Variants in ZNF827 observed in about 807,000 individuals in gnomAD.
ZNF827 encodes zinc finger protein 827.
In ZNF827, 13 loss-of-function variants were observed where a neutral mutation model predicts 102.4. The observed-to-expected ratio is 0.13, with a 90% confidence interval of 0.08 to 0.20. ZNF827 has a LOEUF of 0.20. ZNF827 is among the 10% of genes least tolerant of loss of function. ZNF827 has a pLI of 1.00. For synonymous variants in ZNF827, 523 were observed against 536.2 expected (o/e 0.98, Z 0.34); for missense variants, 1,103 against 1,344.4 (o/e 0.82, Z 2.81).
rs1186198173 is a variant in ZNF827, at chr4:145,814,780, A to G, written c.2383+8642T>C. The stretch of plus-strand genomic sequence containing the variant: ...CTCTACTAAAAATACAAAAAAAAAA[A>G]AAAAAAAAAAATTTGCCGGGCGTTG... On this transcript the variant is annotated intron_variant, in intron 8 of 14. Transcript: ENST00000508784. Among the ~76,000 whole-genome samples, 5 of 151,576 alleles carry G rather than the reference A, an allele frequency of 3.3e-5. No homozygotes were observed. In the East Asian group the frequency reaches 9.6e-4, roughly 29 times the overall value.
chr4:145,761,746 G>GGGGTGGAA lies in ZNF827; in HGVS notation c.*18-156_*18-149dup. 1 of 428,242 alleles carries GGGGTGGAA rather than the reference G, an allele frequency of 2.3e-6. No homozygotes were observed. Among genetic ancestry groups the GGGGTGGAA allele is most frequent in the Admixed American group, 3.8e-5 (1 of 26,464 alleles). The allele number at this position is 428,242 out of a possible 1,614,324, so 26.5% of individuals were successfully genotyped here. A position where few individuals can be genotyped will look rare whatever the true frequency, so the allele number is the denominator to read the frequency against. ...CCCAGCCCAGCCCTGCCGCCTCTCA[G>GGGGTGGAA]GGGTGGAACGGCCCTTTTTGGCTCT... On this transcript the variant is annotated intron_variant, in intron 14 of 14. Coordinates refer to ENST00000508784, the MANE Select transcript of ZNF827 (RefSeq NM_001306215.2). This position sits in a 1 kb window ranked among gnomAD's most constrained non-coding sequence, Gnocchi z 6.8.
intron 3 of ZNF827, among the ~76,000 whole-genome samples, chr4:145,891,831 AG>A (rs1750629865): frequency 2.0e-5 from 3 of 152,192 alleles, no homozygotes. Flanking sequence ...CAGTCTCTCC[AG>A]GAAGGGGAGC....
chr4:145,815,295 T>C (rs1188857170), intron 8 of ZNF827, among the ~76,000 whole-genome samples: 1 of 152,244 alleles, frequency 6.6e-6, no homozygotes, highest in African/African-American at 2.4e-5. Flanking sequence ...GGCCACACTT[T>C]TGCATTTCTA....
At chr4:145,856,102 C>A (rs775509925) in intron 5 of ZNF827, among the ~76,000 whole-genome samples, 1 of 151,906 alleles carries the variant, frequency 6.6e-6, no homozygotes, top group Admixed American at 6.6e-5. Flanking sequence ...TCAAGCAATT[C>A]TCCTGCCTCA....
At chr4:145,791,029 T>C (rs1175510899) in intron 8 of ZNF827, among the ~76,000 whole-genome samples, 3 of 152,244 alleles carry the variant, frequency 2.0e-5, no homozygotes, top group Non-Finnish European at 4.4e-5. Context: ...TGTTGGTTTA[T>C]GTAATTATTT....
chr4:145,902,170 A>G lies in ZNF827; in HGVS notation c.1089T>C (p.Asn363=), dbSNP rs760512452. 4.4e-6 allele frequency: 7 copies of G among 1,574,532 alleles called. No homozygotes were observed. In the African/African-American group the frequency reaches 8.2e-5, roughly 18 times the overall value. ...TTGAAAGAAAAGATGCCATACCTGA[A>G]TTGGAGGGTTTAGAAACTCTTCCCT... The part of the protein sequence containing the change: ...VPKGRVSKPS[N]SASEEESGKP... The change falls in exon 2 of 15, where the codon AAT becomes AAC. Residue 363 remains asparagine, a synonymous_variant. Coordinates refer to ENST00000508784, the MANE Select transcript of ZNF827 (RefSeq NM_001306215.2). The surrounding 1 kb of genome is among the most constrained non-coding windows in gnomAD (Gnocchi z 4.3).
At chr4:145,845,852 T>C (rs889635805) in intron 7 of ZNF827, 104 bp downstream of exon 7, 1 of 1,195,746 alleles carries the variant, frequency 8.4e-7, no homozygotes, top group Non-Finnish European at 1.2e-6. Context: ...GTGACTCCTT[T>C]GAACCCAGTG....
chr4:145,928,286 A>G (rs1236762025), intron 1 of ZNF827, among the ~76,000 whole-genome samples: 7 of 152,178 alleles, frequency 4.6e-5, no homozygotes, highest in Non-Finnish European at 1.0e-4. Flanking sequence ...AAAAACGTTC[A>G]TGCTCAAGCT....
At position 145,931,122 on chromosome 4, in the gene ZNF827, T is replaced by C. The variant is rs1302658071; in HGVS notation, c.43+7243A>G. On this transcript the variant is annotated intron_variant, in intron 1 of 14. Transcript: ENST00000508784. ...GAGGACAGAAATACAAAAAACTTAC[T>C]CCCAAACAGAAGGGAGAAAGCAGCC... Among the ~76,000 whole-genome samples, 3 of 152,192 alleles carry C rather than the reference T, an allele frequency of 2.0e-5. No homozygotes were observed. The East Asian group carries it at 5.8e-4, about 29-fold the overall frequency.
At chr4:145,791,128 T>C (rs1369287286) in intron 8 of ZNF827, among the ~76,000 whole-genome samples, 2 of 152,218 alleles carry the variant, frequency 1.3e-5, no homozygotes, top group Non-Finnish European at 2.9e-5. Context: ...ACTGGATGGC[T>C]TATAAACCAC....
intron 1 of ZNF827, among the ~76,000 whole-genome samples, chr4:145,911,695 C>T (rs968737952): frequency 2.3e-4 from 35 of 152,138 alleles, no homozygotes; most frequent in East Asian, 1.9e-4. Context: ...CTAGAGAGGG[C>T]CATAGATTTG....
At position 145,892,427 on chromosome 4, in the gene ZNF827, G is replaced by A. The variant is rs1015561890; in HGVS notation, c.1094-12C>T. On this transcript the variant is annotated splice_polypyrimidine_tract_variant and intron_variant, in intron 2 of 14. Coordinates refer to ENST00000508784, the MANE Select transcript of ZNF827 (RefSeq NM_001306215.2). ...TTCCTCTTCTGAGGCTTGGAAGAAG[G>A]AGAAAGAAAGGACCATTAAGGAAAA... The A allele has an allele frequency of 1.2e-6, 2 of 1,606,270 alleles. No individual in the cohort carries two copies. Among genetic ancestry groups the A allele is most frequent in the African/African-American group, 1.3e-5 (1 of 74,652 alleles).
intron 1 of ZNF827, among the ~76,000 whole-genome samples, chr4:145,927,757 C>A (rs1222600515): frequency 1.3e-5 from 2 of 152,202 alleles, no homozygotes; most frequent in Admixed American, 6.5e-5. Flanking sequence ...TAATTTCTTC[C>A]TTTCTCTGGG....
At chr4:145,776,417 C>T (rs1332511411) in intron 9 of ZNF827, among the ~76,000 whole-genome samples, 1 of 150,796 alleles carries the variant, frequency 6.6e-6, no homozygotes, top group Non-Finnish European at 1.5e-5. Flanking sequence ...ACCACAATCA[C>T]ATCACTGCAC....
At chr4:145,936,863 T>A (rs574112768) in intron 1 of ZNF827, among the ~76,000 whole-genome samples, 4 of 152,030 alleles carry the variant, frequency 2.6e-5, no homozygotes, top group Non-Finnish European at 5.9e-5. Context: ...AGCCCGGGTT[T>A]TGCAGGATCG....
chr4:145,867,807 T>A (rs1748338401), intron 5 of ZNF827, among the ~76,000 whole-genome samples: 2 of 152,212 alleles, frequency 1.3e-5, no homozygotes, highest in Admixed American at 1.3e-4. Context: ...TTTGGGGGTA[T>A]CAGCCAAGGC....
In ZNF827 at chr4:145,760,326, G is replaced by A. The variant is rs951918193; in HGVS notation, c.*1290C>T. 1 of 152,300 alleles carries A rather than the reference G, an allele frequency of 6.6e-6. No homozygotes were observed. Among genetic ancestry groups the A allele is most frequent in the African/African-American group, 2.4e-5 (1 of 41,436 alleles). The allele number at this position is 152,300 out of a possible 1,614,324, so 9.4% of individuals were successfully genotyped here. A position where few individuals can be genotyped will look rare whatever the true frequency, so the allele number is the denominator to read the frequency against. On this transcript the variant is annotated 3_prime_UTR_variant, in exon 15 of 15. Transcript: ENST00000508784. ...AGAAATGTCATGGCACACGACACAC[G>A]GCTTTCTCTTTCAGAATCCACAAAC... is the stretch of plus-strand genomic sequence containing the variant.
intron 7 of ZNF827, among the ~76,000 whole-genome samples, chr4:145,844,290 C>A (rs1399186800): frequency 6.6e-6 from 1 of 151,924 alleles, no homozygotes; most frequent in Admixed American, 6.6e-5. Flanking sequence ...TCTTCCTACT[C>A]TCATTTTCTC....
At chr4:145,857,492 ACT>A (rs1747266483) in intron 5 of ZNF827, among the ~76,000 whole-genome samples, 1 of 152,172 alleles carries the variant, frequency 6.6e-6, no homozygotes, top group Non-Finnish European at 1.5e-5. Context: ...GACTGAGCTA[ACT>A]CAGTTGGATA....
Sources: allele counts gnomAD v4.1 joint callset (sites outside exome capture counted in the v4.1 genomes callset), GRCh38; gene constraint gnomAD v4.1.1; non-coding constraint Gnocchi (gnomAD v3.1); transcripts MANE v1.5; gene names NCBI Gene and HGNC (gene_info 2026-07-23, HGNC 2026-07-21).